The following RBFOX1 variants were observed in gnomAD, a reference collection of about 807,000 sequenced individuals.
RBFOX1 encodes the protein RNA binding fox-1 homolog 1.
A neutral mutation model predicts 57.7 loss-of-function variants in RBFOX1; 8 were observed. The observed-to-expected ratio is 0.14, with a 90% CI of 0.08 to 0.25. The LOEUF (loss-of-function observed/expected upper bound fraction) is 0.25. Among genes scored for constraint, RBFOX1 ranks in the 10% least tolerant of loss-of-function variants. RBFOX1 has a pLI of 1.00. For synonymous variants in RBFOX1, 326 were observed against 222.4 expected, an observed-to-expected ratio of 1.47 and a Z score of -4.15; for missense variants, 611 against 548.5, an observed-to-expected ratio of 1.11 and a Z score of -1.14.
intron 4 of RBFOX1, among the ~76,000 whole-genome samples, chr16:7,276,582 G>C (rs2095444684): frequency 6.6e-6 from 1 of 151,998 alleles, no homozygotes; most frequent in South Asian, 2.1e-4. Flanking sequence ...CTGCCTCCTA[G>C]GGGATCACTT....
At chr16:7,310,199 C>A (rs1041522473) in intron 4 of RBFOX1, among the ~76,000 whole-genome samples, 1 of 152,206 alleles carries the variant, frequency 6.6e-6, no homozygotes, top group African/African-American at 2.4e-5. Flanking sequence ...GCCGCCTCTG[C>A]TGGGAGACAG....
At chr16:7,049,635 A>G (rs2049274497) in intron 3 of RBFOX1, among the ~76,000 whole-genome samples, 1 of 151,976 alleles carries the variant, frequency 6.6e-6, no homozygotes, top group African/African-American at 2.4e-5. Flanking sequence ...TGGTGGTGGG[A>G]GGTGGTAATT....
At chr16:5,901,977 T>C (rs2058314965) in intron 4 of RBFOX1, among the ~76,000 whole-genome samples, 1 of 152,190 alleles carries the variant, frequency 6.6e-6, no homozygotes, top group East Asian at 1.9e-4. Flanking sequence ...TAGCCCCTAG[T>C]CCTCCTGATA....
chr16:6,960,670 T>C (rs1316274297), intron 3 of RBFOX1, among the ~76,000 whole-genome samples: 1 of 152,060 alleles, frequency 6.6e-6, no homozygotes, highest in Non-Finnish European at 1.5e-5. Context: ...GACATACTCT[T>C]GCAGGACCAG....
At chr16:5,664,075 C>A (rs2049751609) in intron 3 of RBFOX1, among the ~76,000 whole-genome samples, 1 of 152,242 alleles carries the variant, frequency 6.6e-6, no homozygotes. Flanking sequence ...TAGAGACCCA[C>A]CCTTCTCGGC....
intron 4 of RBFOX1, among the ~76,000 whole-genome samples, chr16:6,011,123 G>T (rs1040191630): frequency 1.3e-5 from 2 of 152,142 alleles, no homozygotes; most frequent in African/African-American, 4.8e-5. Context: ...GAAAGAAATC[G>T]ATTGTCAATA....
At chr16:6,059,787 A>T (rs2095660203) in intron 1 of RBFOX1, among the ~76,000 whole-genome samples, 1 of 152,162 alleles carries the variant, frequency 6.6e-6, no homozygotes, top group African/African-American at 2.4e-5. Context: ...TACATTTCAC[A>T]ACTGAAGCCC....
chr16:5,790,282 A>C (rs1288259800), intron 3 of RBFOX1, among the ~76,000 whole-genome samples: 2 of 152,198 alleles, frequency 1.3e-5, no homozygotes, highest in African/African-American at 4.8e-5. Flanking sequence ...CCAGTTGTGT[A>C]ACCAGGAAGA....
rs60979224 is a variant in RBFOX1, at chr16:5,659,898, G to C, written c.318+60937G>C. On this transcript the variant is annotated intron_variant, in intron 3 of 19. Coordinates refer to the RBFOX1 transcript ENST00000641259. ...TCCTCATCCCTACCTTGAAATTATG[G>C]TGGTTATTAGGTGTGCTGCTGGATC... Among the ~76,000 whole-genome samples the C allele has an allele frequency of 8.3e-3, 1,265 of 152,230 alleles. 17 individuals are homozygous for C. The highest frequency in any genetic ancestry group is 0.028 in the African/African-American group (1,183 of 41,522).
Position 7,597,400 on chromosome 16 carries a change from A to C in RBFOX1, c.591A>C (p.Thr197=). 1.9e-6 allele frequency: 3 copies of C among 1,611,676 alleles called. No individual in the cohort carries two copies. The highest frequency in any genetic ancestry group is 2.5e-6 in the Non-Finnish European group (3 of 1,178,608). The change falls in exon 9 of 16, where the codon ACA becomes ACC. Residue 197 remains threonine (T), a synonymous_variant. Transcript: ENST00000550418. Reference sequence around the variant, plus strand: ...ATAATGCCACAGCACGTGTAATGACAAATAAAAAGACCGTCAACCCTTATA... The same window carrying C: ...ATAATGCCACAGCACGTGTAATGACCAATAAAAAGACCGTCAACCCTTATA... ...EVNNATARVM[T]NKKTVNPYTN... is the part of the protein sequence containing the mutation.
intron 3 of RBFOX1, among the ~76,000 whole-genome samples, chr16:6,908,507 A>G (rs2070689814): frequency 6.6e-6 from 1 of 152,158 alleles, no homozygotes; most frequent in Non-Finnish European, 1.5e-5. Context: ...TTTCCGGGTT[A>G]TAGCTGACAA....
At chr16:7,364,656 T>C (rs1236681699) in intron 4 of RBFOX1, among the ~76,000 whole-genome samples, 1 of 151,696 alleles carries the variant, frequency 6.6e-6, no homozygotes, top group Admixed American at 6.6e-5. Context: ...GTAGAATGAA[T>C]GCCTTTTCTT....
At position 5,296,715 on chromosome 16, in the gene RBFOX1, G is replaced by A. The variant is rs62017175; in HGVS notation, c.219+56610G>A. 2.2e-3 allele frequency among the ~76,000 whole-genome samples: 321 copies of A among 147,878 alleles called. 3 individuals are homozygous for A. The highest frequency in any genetic ancestry group is 3.9e-3 in the Admixed American group (57 of 14,762). Reference sequence around the variant, plus strand: ...TTTTTTTGAGATGGAGTGTCGCTCCGTCATCCAGGCTGGAGTGCAGTGGCG... The same window carrying A: ...TTTTTTTGAGATGGAGTGTCGCTCCATCATCCAGGCTGGAGTGCAGTGGCG... On this transcript the variant is annotated intron_variant, in intron 1 of 2. Transcript: ENST00000585867.
chr16:5,554,739 T>C (rs1003479370), intron 2 of RBFOX1, among the ~76,000 whole-genome samples: 4 of 152,200 alleles, frequency 2.6e-5, no homozygotes, highest in African/African-American at 4.8e-5. Context: ...GGATTATGAA[T>C]TGATCAACAA....
chr16:6,982,710 T>G (rs2089249078), intron 3 of RBFOX1, among the ~76,000 whole-genome samples: 1 of 152,158 alleles, frequency 6.6e-6, no homozygotes, highest in Non-Finnish European at 1.5e-5. Flanking sequence ...GATGTGGAAC[T>G]GGCCAGGTGC....
chr16:7,142,414 G>T (rs970605808), intron 4 of RBFOX1, among the ~76,000 whole-genome samples: 1 of 152,052 alleles, frequency 6.6e-6, no homozygotes, highest in East Asian at 1.9e-4. Context: ...ATGTCATTTC[G>T]TGTCACTCTT....
At chr16:5,508,568 G>A (rs1157643458) in intron 2 of RBFOX1, among the ~76,000 whole-genome samples, 2 of 152,154 alleles carry the variant, frequency 1.3e-5, no homozygotes, top group Non-Finnish European at 2.9e-5. Context: ...ACCCAAGATG[G>A]TGGCGGGGAC....
chr16:5,998,436 G>A (rs76573789), intron 4 of RBFOX1, among the ~76,000 whole-genome samples: 1 of 152,198 alleles, frequency 6.6e-6, no homozygotes, highest in Non-Finnish European at 1.5e-5. Flanking sequence ...GGGGGAAGGC[G>A]GGCAAGCGAA....
intron 4 of RBFOX1, among the ~76,000 whole-genome samples, chr16:7,072,658 C>A (rs2057560038): frequency 2.0e-5 from 3 of 152,148 alleles, no homozygotes; most frequent in Admixed American, 1.3e-4. Flanking sequence ...TTCAGAGGAT[C>A]TTCTGTTTTT....
Sources: allele counts gnomAD v4.1 joint callset (sites outside exome capture counted in the v4.1 genomes callset), GRCh38; gene constraint gnomAD v4.1.1; transcripts MANE v1.5; gene names NCBI Gene and HGNC (gene_info 2026-07-23, HGNC 2026-07-21).